CNKSR3: variants seen among roughly 807,000 people sequenced by gnomAD.
CNKSR3 encodes connector enhancer of kinase suppressor of ras 3.
Under a neutral mutation model 67.7 loss-of-function variants are expected in CNKSR3, and 36 were observed. The observed-to-expected ratio is 0.53, with a 90% CI of 0.41 to 0.70. The LOEUF is 0.70. Ranked by LOEUF, CNKSR3 falls within the 30% of genes least tolerant of loss-of-function variation. The pLI, the probability that CNKSR3 is intolerant of heterozygous loss-of-function variation, is 0.00. For synonymous variants in CNKSR3, 281 were observed against 271.4 expected (o/e 1.04, Z -0.35); for missense variants, 630 against 695.2 (o/e 0.91, Z 1.05).
At position 154,395,329 on chromosome 6, in the gene CNKSR3, T is replaced by C. The variant is rs1300810800; in HGVS notation, c.*11025A>G. On this transcript the variant is annotated 3_prime_UTR_variant, in exon 13 of 13. Coordinates refer to ENST00000607772, the MANE Select transcript of CNKSR3 (RefSeq NM_173515.4). ...TTGGGAAAATGATCATACAGAGCCC[T>C]GGTAACAGTCATCATCATCATCCAT... The C allele has an allele frequency of 6.6e-6, 1 of 152,242 alleles. No homozygotes were observed. The highest frequency in any genetic ancestry group is 1.5e-5 in the Non-Finnish European group (1 of 68,044). The allele number at this position is 152,242 out of a possible 1,614,324, so 9.4% of individuals were successfully genotyped here.
At chr6:154,409,420 G>A (rs1784863315) in intron 12 of CNKSR3, among the ~76,000 whole-genome samples, 2 of 151,970 alleles carry the variant, frequency 1.3e-5, no homozygotes, top group Non-Finnish European at 2.9e-5. Flanking sequence ...TTGATTACAG[G>A]GTGAATTAAA....
At chr6:154,415,116 A>AAAAAAAAC (rs1784994362) in intron 9 of CNKSR3, among the ~76,000 whole-genome samples, 5 of 144,572 alleles carry the variant, frequency 3.5e-5, no homozygotes, top group African/African-American at 1.3e-4. Context: ...AAAAAAAAAA[A>AAAAAAAAC]AAAAAACAAG....
intron 1 of CNKSR3, among the ~76,000 whole-genome samples, chr6:154,482,995 T>A (rs1267236159): frequency 1.3e-5 from 2 of 152,208 alleles, no homozygotes; most frequent in African/African-American, 4.8e-5. Context: ...CTAGCATTCA[T>A]TATCTGTTTC....
chr6:154,484,317 C>G (rs943150923), intron 1 of CNKSR3, among the ~76,000 whole-genome samples: 8 of 152,160 alleles, frequency 5.3e-5, no homozygotes, highest in African/African-American at 1.9e-4. Context: ...CAAGAAACAT[C>G]TTAATATACC....
chr6:154,463,710 TAC>T (rs1182571955), intron 1 of CNKSR3, among the ~76,000 whole-genome samples: 4 of 152,186 alleles, frequency 2.6e-5, no homozygotes, highest in Admixed American at 2.6e-4. Context: ...CCTCTCATCT[TAC>T]AGAGTCACCT....
At chr6:154,460,977 G>A (rs944336078) in intron 1 of CNKSR3, among the ~76,000 whole-genome samples, 1 of 152,092 alleles carries the variant, frequency 6.6e-6, no homozygotes, top group African/African-American at 2.4e-5. Flanking sequence ...GGATTTCCAT[G>A]GAAAAACCAT....
At chr6:154,426,478 C>T (rs1391215161) in intron 7 of CNKSR3, among the ~76,000 whole-genome samples, 1 of 152,054 alleles carries the variant, frequency 6.6e-6, no homozygotes, top group Non-Finnish European at 1.5e-5. Flanking sequence ...GCCTCAGCCT[C>T]CCGAGTAGCT....
chr6:154,472,402 C>T (rs1167531676), intron 1 of CNKSR3, among the ~76,000 whole-genome samples: 2 of 152,168 alleles, frequency 1.3e-5, no homozygotes, highest in Non-Finnish European at 2.9e-5. Context: ...TGAAGGTACT[C>T]CACTGCCTCT....
At chr6:154,480,324 T>G (rs1776656374) in intron 1 of CNKSR3, among the ~76,000 whole-genome samples, 1 of 152,186 alleles carries the variant, frequency 6.6e-6, no homozygotes, top group African/African-American at 2.4e-5. Context: ...TCCGAAGGGC[T>G]AAATGCTCAA....
intron 1 of CNKSR3, among the ~76,000 whole-genome samples, chr6:154,485,299 G>C (rs555985152): frequency 6.6e-6 from 1 of 152,278 alleles, no homozygotes; most frequent in South Asian, 2.1e-4. Context: ...CTTGGAAACT[G>C]ATCTAGAAGA....
chr6:154,398,079 C>G lies in CNKSR3; in HGVS notation c.*8275G>C, dbSNP rs1562313401. On this transcript the variant is annotated 3_prime_UTR_variant, in exon 13 of 13. Transcript: ENST00000607772. Reference sequence around the variant, plus strand: ...CACATATCCACACCTTCACAGGGCTCTGCCTGACACACGGAGGACACAATC... The same window carrying G: ...CACATATCCACACCTTCACAGGGCTGTGCCTGACACACGGAGGACACAATC... 6.6e-6 allele frequency: 1 copy of G among 152,326 alleles called. No homozygotes were observed. The highest frequency in any genetic ancestry group is 1.9e-4 in the East Asian group (1 of 5,202). The allele number at this position is 152,326 out of a possible 1,614,324, so 9.4% of individuals were successfully genotyped here. A position where few individuals can be genotyped will look rare whatever the true frequency, so the allele number is the denominator to read the frequency against.
chr6:154,464,694 G>A (rs1261963434), intron 1 of CNKSR3, among the ~76,000 whole-genome samples: 2 of 147,788 alleles, frequency 1.4e-5, no homozygotes, highest in South Asian at 2.2e-4. Context: ...CCAGCCTGGC[G>A]ACAGAGCAAG....
chr6:154,422,360 T>C (rs1785163376), intron 9 of CNKSR3, 146 bp downstream of exon 9: 1 of 748,730 alleles, frequency 1.3e-6, no homozygotes, highest in Non-Finnish European at 2.3e-6. Flanking sequence ...CTAGAATTCA[T>C]ATTTTCACAT....
rs551461035 is a variant in CNKSR3 at position 154,456,928 on chromosome 6, CTTA to C, written c.53-6673_53-6671del. 2.9e-3 allele frequency among the ~76,000 whole-genome samples: 436 copies of C among 152,116 alleles called. 4 individuals carry two copies. Among genetic ancestry groups the C allele is most frequent in the African/African-American group, 0.01 (419 of 41,494 alleles). On this transcript the variant is annotated intron_variant, in intron 1 of 12. Coordinates refer to ENST00000607772, the MANE Select transcript of CNKSR3 (RefSeq NM_173515.4). ...GAGACGGGGTTCAGGGGTAGGTCAG[CTTA>C]TTATTATCTGAACCAGAGGGACGGA... is the stretch of plus-strand genomic sequence containing the variant.
chr6:154,436,016 G>A (rs1474380672), intron 4 of CNKSR3, among the ~76,000 whole-genome samples: 1 of 152,216 alleles, frequency 6.6e-6, no homozygotes, highest in African/African-American at 2.4e-5. Context: ...TTGGTGTGAT[G>A]GCACGCGTCA....
At chr6:154,509,137 G>T (rs1445750284) in intron 1 of CNKSR3, among the ~76,000 whole-genome samples, 2 of 151,898 alleles carry the variant, frequency 1.3e-5, no homozygotes, top group Non-Finnish European at 1.5e-5. Flanking sequence ...CGTTGGGGGT[G>T]GGGGGAAACC....
intron 4 of CNKSR3, among the ~76,000 whole-genome samples, chr6:154,437,407 G>GT (rs1785492881): frequency 1.4e-4 from 12 of 88,280 alleles, no homozygotes; most frequent in African/African-American, 4.0e-4. Context: ...AAGCACCTAT[G>GT]TTCTTTTTTT....
rs1441315671 is a variant in CNKSR3, at chr6:154,400,673, T to C, written c.*5681A>G. On this transcript the variant is annotated 3_prime_UTR_variant, in exon 13 of 13. Coordinates refer to ENST00000607772, the MANE Select transcript of CNKSR3 (RefSeq NM_173515.4). ...CACAAATGCACACATATATAGGGTT[T>C]GGGACAGACTCCACACCCCTAAAAC... is the stretch of plus-strand genomic sequence containing the variant. The C allele has an allele frequency of 6.6e-6, 1 of 152,200 alleles. No individual in the cohort carries two copies. Among genetic ancestry groups the C allele is most frequent in the Non-Finnish European group, 1.5e-5 (1 of 68,034 alleles). 9.4% of individuals were successfully genotyped at this position (152,200 alleles called of 1,614,324 possible).
chr6:154,467,154 T>C (rs1174462448), intron 1 of CNKSR3, among the ~76,000 whole-genome samples: 1 of 151,830 alleles, frequency 6.6e-6, no homozygotes, highest in East Asian at 1.9e-4. Flanking sequence ...CTGAAACCTT[T>C]CCCATGGAAC....
Sources: allele counts gnomAD v4.1 joint callset (sites outside exome capture counted in the v4.1 genomes callset), GRCh38; gene constraint gnomAD v4.1.1; transcripts MANE v1.5; gene names NCBI Gene and HGNC (gene_info 2026-07-23, HGNC 2026-07-21).